TAF5L: variants seen among roughly 807,000 people sequenced by gnomAD.
TAF5L encodes TAF5-like RNA polymerase II p300/CBP-associated factor-associated factor 65 kDa subunit 5L.
TAF5L carries 7 observed loss-of-function variants against 51.3 expected under a neutral mutation model. The observed-to-expected ratio is 0.14, with a 90% confidence interval of 0.08 to 0.26. The LOEUF is 0.26. Among genes scored for constraint, TAF5L ranks in the 10% least tolerant of loss-of-function variants. The probability of loss-of-function intolerance (pLI) is 1.00; values close to 1 mark genes in which losing one functional copy is unlikely to be tolerated. For missense variants in TAF5L, 575 were observed against 758.9 expected (o/e 0.76, Z 2.85); for synonymous variants, 291 against 308.1 (o/e 0.94, Z 0.58).
At chr1:229,600,522 T>C (rs762204891) in intron 4 of TAF5L, 104 of 985,318 alleles carry the variant, frequency 1.1e-4, no homozygotes, top group Non-Finnish European at 1.2e-4. Flanking sequence ...CCTACAGTAA[T>C]TGAATAACCG....
chr1:229,603,622 A>T (rs1396211384), intron 3 of TAF5L, among the ~76,000 whole-genome samples: 1 of 152,242 alleles, frequency 6.6e-6, no homozygotes, highest in African/African-American at 2.4e-5. Flanking sequence ...AACAAGTTAA[A>T]TTCTCTTTTG....
At chr1:229,601,907 A>G (rs1022406914) in intron 4 of TAF5L, 7 of 1,175,736 alleles carry the variant, frequency 6.0e-6, no homozygotes, top group Admixed American at 4.3e-5. Flanking sequence ...GCTAAAGTCA[A>G]TATTAGCTAA....
In TAF5L at chr1:229,619,751, G is replaced by A. The variant is rs115138807; in HGVS notation, c.-3-5266C>T. On this transcript the variant is annotated intron_variant, in intron 1 of 4. Coordinates refer to ENST00000258281, the Ensembl canonical transcript of TAF5L. ...GTCACTTTCCAGCACCACCCTTCAC[G>A]ATCTCTCAGCTGGATGTGATGCTGC... is the stretch of plus-strand genomic sequence containing the variant. 3.1e-3 allele frequency among the ~76,000 whole-genome samples: 468 copies of A among 152,108 alleles called. 3 individuals carry two copies. Among genetic ancestry groups the A allele is most frequent in the African/African-American group, 0.01 (433 of 41,482 alleles).
rs557698974 is a variant in TAF5L at position 229,606,201 on chromosome 1, T to G, written c.248-3282A>C. On this transcript the variant is annotated intron_variant, in intron 3 of 4. Coordinates refer to ENST00000258281, the Ensembl canonical transcript of TAF5L. ...TCTGAAGAGAACAGTATGCTGGGTATAAAACAAAAAAACTGATCAATTTGG... is the reference window on the plus strand; with the variant it reads ...TCTGAAGAGAACAGTATGCTGGGTAGAAAACAAAAAAACTGATCAATTTGG... 591 of 985,174 alleles carry G rather than the reference T, an allele frequency of 6.0e-4. 2 individuals are homozygous for G. Among genetic ancestry groups the G allele is most frequent in the Non-Finnish European group, 5.6e-4 (465 of 829,700 alleles). The allele number at this position is 985,174 out of a possible 1,614,324, so 61.0% of individuals were successfully genotyped here. A position where few individuals can be genotyped will look rare whatever the true frequency, so the allele number is the denominator to read the frequency against.
At chr1:229,618,048 T>C (rs372706338) in intron 1 of TAF5L, among the ~76,000 whole-genome samples, 4 of 152,256 alleles carry the variant, frequency 2.6e-5, no homozygotes, top group East Asian at 3.9e-4. Flanking sequence ...TCAAGTGACA[T>C]GGATAATTAA....
At position 229,601,557 on chromosome 1, in the gene TAF5L, A is replaced by T. The variant is rs953098490; in HGVS notation, c.972+638T>A. Reference sequence around the variant, plus strand: ...ACTGTCCTAAACGGTTACAAGCCAAACAAGATTGAACACTGACTGACGGGG... The same window carrying T: ...ACTGTCCTAAACGGTTACAAGCCAATCAAGATTGAACACTGACTGACGGGG... On this transcript the variant is annotated intron_variant, in intron 4 of 4. Coordinates refer to ENST00000258281, the Ensembl canonical transcript of TAF5L. 1.0e-5 allele frequency: 10 copies of T among 985,702 alleles called. No individual in the cohort carries two copies. In the African/African-American group the frequency reaches 1.4e-4, roughly 14 times the overall value. The allele number at this position is 985,702 out of a possible 1,614,324, so 61.1% of individuals were successfully genotyped here.
In TAF5L at chr1:229,625,446, C is replaced by T. The variant is rs1665412205; in HGVS notation, c.-4+439G>A. ...ACGATCACCATGTGCAAAGTTGAAT[C>T]CCGACTTCGCCGCAAAGACATTTCC... On this transcript the variant is annotated intron_variant, in intron 1 of 4. Coordinates refer to ENST00000258281, the Ensembl canonical transcript of TAF5L. This position sits in a 1 kb window ranked among gnomAD's most constrained non-coding sequence, Gnocchi z 4.0. Among the ~76,000 whole-genome samples, 1 of 152,184 alleles carries T rather than the reference C, an allele frequency of 6.6e-6. No individual in the cohort carries two copies. The highest frequency in any genetic ancestry group is 2.4e-5 in the African/African-American group (1 of 41,458).
At chr1:229,609,200 T>G (rs1459297824) in intron 3 of TAF5L, among the ~76,000 whole-genome samples, 3 of 152,186 alleles carry the variant, frequency 2.0e-5, no homozygotes, top group Non-Finnish European at 4.4e-5. Context: ...AATGTATAAT[T>G]TTAATAGTGG....
rs150230938 is a variant in TAF5L at position 229,602,333 on chromosome 1, G to A, written c.834C>T (p.Pro278=). The change falls in exon 4 of 5, where the codon CCC becomes CCT. Residue 278 remains proline (P), a synonymous_variant. Transcript: ENST00000258281. The surrounding 1 kb of genome is among the most constrained non-coding windows in gnomAD (Gnocchi z 4.6). The stretch of plus-strand genomic sequence containing the variant: ...ACCCAGCAGCAAGCAGCTTGCTATC[G>A]GGGGAGATTTCTGCAGTGTTCAACA... 1.4e-4 allele frequency: 232 copies of A among 1,614,128 alleles called. 7 individuals carry two copies. The highest frequency in any genetic ancestry group is 1.2e-3 in the Middle Eastern group (7 of 6,058).
At chr1:229,600,503 C>T (rs1414385481) in intron 4 of TAF5L, 14 of 985,310 alleles carry the variant, frequency 1.4e-5, no homozygotes, top group Non-Finnish European at 1.6e-5. Context: ...TGCTTGCTCT[C>T]CCTTATCCCC....
At chr1:229,608,104 T>A (rs1161833124) in intron 3 of TAF5L, among the ~76,000 whole-genome samples, 1 of 152,218 alleles carries the variant, frequency 6.6e-6, no homozygotes, top group South Asian at 2.1e-4. Flanking sequence ...AATCAATATA[T>A]AAACCAAAAT....
intron 2 of TAF5L, among the ~76,000 whole-genome samples, chr1:229,612,379 G>C (rs974597709): frequency 1.6e-4 from 25 of 152,172 alleles, no homozygotes; most frequent in Admixed American, 9.2e-4. Context: ...ACTGCTCTCT[G>C]GTTCCAAAGG....
chr1:229,595,168 T>TCCCCCC (rs906058571), intron 4 of TAF5L, 74 bp from the exon 5 acceptor site: 2 of 1,463,914 alleles, frequency 1.4e-6, no homozygotes, highest in Non-Finnish European at 9.1e-7. Flanking sequence ...GGAAAACAAG[T>TCCCCCC]CCAGGAGAAA....
At chr1:229,614,006 CT>C (rs1439120068) in intron 2 of TAF5L, among the ~76,000 whole-genome samples, 1 of 152,164 alleles carries the variant, frequency 6.6e-6, no homozygotes, top group Admixed American at 6.5e-5. Context: ...GAGGGAGACC[CT>C]GTCCCTAAGG....
chr1:229,623,206 G>A (rs571074722), intron 1 of TAF5L, among the ~76,000 whole-genome samples: 4 of 152,316 alleles, frequency 2.6e-5, no homozygotes, highest in East Asian at 3.9e-4. Flanking sequence ...CCCGGAAGGC[G>A]GAGGTTGCAG....
intron 1 of TAF5L, among the ~76,000 whole-genome samples, chr1:229,616,852 T>C (rs143728248): frequency 6.6e-6 from 1 of 152,348 alleles, no homozygotes; most frequent in Non-Finnish European, 1.5e-5. Context: ...ACATTATCTG[T>C]GCATTTTATT....
Position 229,594,222 on chromosome 1 carries a change from A to G in TAF5L, c.*75T>C, listed in dbSNP as rs1234620700. On this transcript the variant is annotated 3_prime_UTR_variant, in exon 5 of 5. Transcript: ENST00000258281. This position sits in a 1 kb window ranked among gnomAD's most constrained non-coding sequence, Gnocchi z 7.9. The stretch of plus-strand genomic sequence containing the variant: ...GGGGCTCTTTCACAGTCAATGATTC[A>G]ATCTCAGCTCATTGAAGGATTGCAA... 9.0e-6 allele frequency: 13 copies of G among 1,448,140 alleles called. No homozygotes were observed. Among genetic ancestry groups the G allele is most frequent in the Non-Finnish European group, 1.1e-5 (12 of 1,067,206 alleles). 89.7% of individuals were successfully genotyped at this position (1,448,140 alleles called of 1,614,324 possible). A position where few individuals can be genotyped will look rare whatever the true frequency, so the allele number is the denominator to read the frequency against.
At chr1:229,593,662 A>G (rs1268878301) in exon 5 of TAF5L, 2 of 152,098 alleles carry the variant, frequency 1.3e-5, no homozygotes, top group African/African-American at 4.8e-5. Context: ...CCAAGTATCA[A>G]AACCAGTGCC....
Position 229,614,416 on chromosome 1 carries a change from C to T in TAF5L, c.67G>A (p.Val23Met), listed in dbSNP as rs1354614324. 1.1e-5 allele frequency: 17 copies of T among 1,614,086 alleles called. No individual in the cohort carries two copies. Among genetic ancestry groups the T allele is most frequent in the Admixed American group, 3.3e-5 (2 of 60,004 alleles). The change falls in exon 2 of 5, where the codon GTG becomes ATG. Residue 23 changes from valine to methionine, a missense_variant. Coordinates refer to ENST00000258281, the Ensembl canonical transcript of TAF5L. ...TGCTTCAGGGGACCATCTGAGTCCACGTACTGCCGGCGTTTGAGGTAGCAG... is the reference window on the plus strand; with the variant it reads ...TGCTTCAGGGGACCATCTGAGTCCATGTACTGCCGGCGTTTGAGGTAGCAG...
Sources: gnomAD v4.1 joint callset for allele counts (sites outside exome capture counted in the v4.1 genomes callset) on GRCh38, gnomAD v4.1.1 for gene constraint, Gnocchi (gnomAD v3.1) non-coding constraint, MANE v1.5 for transcripts, NCBI Gene and HGNC (gene_info 2026-07-23, HGNC 2026-07-21) for gene names.